SLC12A7: variants seen among roughly 807,000 people sequenced by gnomAD.
SLC12A7 encodes the protein solute carrier family 12 member 7, also known as K-Cl cotransporter 4.
Under a neutral mutation model 120.6 loss-of-function variants are expected in SLC12A7, and 100 were observed. The observed-to-expected ratio is 0.83, with a 90% CI of 0.71 to 0.98. The LOEUF is 0.98. SLC12A7 is among the 50% of genes least tolerant of loss of function. The pLI is 0.00. For missense variants in SLC12A7, 1,373 were observed against 1,548.1 expected (o/e 0.89, Z 1.90); for synonymous variants, 760 against 678.0 (o/e 1.12, Z -1.88).
At chr5:1,057,177 G>GCTTGGCACTAGAAGGACCCCTCAGCA (rs1405685056) in intron 22 of SLC12A7, 2 of 370,690 alleles carry the variant, frequency 5.4e-6, no homozygotes, top group Non-Finnish European at 9.6e-6. Context: ...ACCCCTCAGC[G>GCTTGGCACTAGAAGGACCCCTCAGCA]CTTGGCACTA....
At chr5:1,144,301 C>T in the SLC12A7 span, among the ~76,000 whole-genome samples, 2 of 152,252 alleles carry the variant, frequency 1.3e-5, no homozygotes, top group Non-Finnish European at 2.9e-5. Flanking sequence ...GCCCACGTCC[C>T]GGGCTCCACG....
chr5:1,130,741 C>G, the SLC12A7 span, among the ~76,000 whole-genome samples: 1 of 152,208 alleles, frequency 6.6e-6, no homozygotes, highest in African/African-American at 2.4e-5. Context: ...GCACAGAGCT[C>G]CTGCCAGGGA....
chr5:1,050,953 GAC>G lies in SLC12A7; in HGVS notation c.*1405_*1406del. On this transcript the variant is annotated 3_prime_UTR_variant, in exon 24 of 24. Coordinates refer to ENST00000264930, the MANE Select transcript of SLC12A7 (RefSeq NM_006598.3). The stretch of plus-strand genomic sequence containing the variant: ...TTCCCTTGGGAGACCATGCAAGCCA[GAC>G]GTAGCCCAAGGCCTGGCCATCTGGG... 2.5e-6 allele frequency: 1 copy of G among 398,686 alleles called. No individual in the cohort carries two copies. The highest frequency in any genetic ancestry group is 3.6e-5 in the East Asian group (1 of 28,084). 24.7% of individuals were successfully genotyped at this position (398,686 alleles called of 1,614,324 possible).
chr5:1,149,813 G>A, the SLC12A7 span, among the ~76,000 whole-genome samples: 1 of 152,140 alleles, frequency 6.6e-6, no homozygotes, highest in African/African-American at 2.4e-5. Context: ...CGGATCACCT[G>A]ATGTCAGGAG....
chr5:1,063,087 G>A (rs1451930923), intron 20 of SLC12A7: 6 of 152,334 alleles, frequency 3.9e-5, no homozygotes, highest in African/African-American at 1.4e-4. Flanking sequence ...AGGATCCAGA[G>A]CTCCATGCTT....
chr5:1,089,034 C>T lies in SLC12A7; in HGVS notation c.437G>A (p.Gly146Glu), dbSNP rs1482468665. ...ILFLRLTWIV[G>E]VAGVLESFLI... ...GAAGGACTCCAGGACACCAGCCACCCCCACGATCCACGTCAGGCGCAGGAA... is the reference window on the plus strand; with the variant it reads ...GAAGGACTCCAGGACACCAGCCACCTCCACGATCCACGTCAGGCGCAGGAA... The change falls in exon 4 of 24, where the codon GGG (glycine) becomes GAG (glutamate). Residue 146 changes from glycine to glutamate, a missense_variant. Physicochemically the swap from Gly to Glu is moderately conservative, Grantham distance 98. Coordinates refer to ENST00000264930, the MANE Select transcript of SLC12A7 (RefSeq NM_006598.3). 7 of 1,612,966 alleles carry T rather than the reference C, an allele frequency of 4.3e-6. No homozygotes were observed. The Admixed American group carries it at 1.0e-4, about 23-fold the overall frequency.
chr5:1,056,542 C>T (rs748032165), intron 22 of SLC12A7: 18 of 978,160 alleles, frequency 1.8e-5, no homozygotes, highest in East Asian at 2.3e-4. Context: ...GCAGGGCAAC[C>T]GGGCCCGGAA....
At chr5:1,056,457 A>T in intron 22 of SLC12A7, 1 of 334,232 alleles carries the variant, frequency 3.0e-6, no homozygotes, top group Non-Finnish European at 4.3e-6. Flanking sequence ...GGACGCACAC[A>T]AGCCACCGTG....
intron 9 of SLC12A7, among the ~76,000 whole-genome samples, chr5:1,079,967 G>C (rs1738822452): frequency 6.6e-6 from 1 of 152,240 alleles, no homozygotes; most frequent in South Asian, 2.1e-4. Context: ...GCCACGGCCG[G>C]GGATGTTTCC....
At chr5:1,085,196 C>T in intron 7 of SLC12A7, 36 bp downstream of exon 7, 3 of 1,606,506 alleles carry the variant, frequency 1.9e-6, no homozygotes, top group Non-Finnish European at 2.5e-6. Flanking sequence ...GCCCCAGCCC[C>T]ACACCCACCC....
At chr5:1,108,148 G>A (rs924012554) in intron 1 of SLC12A7, among the ~76,000 whole-genome samples, 1 of 152,252 alleles carries the variant, frequency 6.6e-6, no homozygotes, top group African/African-American at 2.4e-5. Flanking sequence ...TGGCTCACAC[G>A]TGGATACACC....
At position 1,065,482 on chromosome 5, in the gene SLC12A7, C is replaced by A. The variant is rs773639748; in HGVS notation, c.2242-4G>T. Reference sequence around the variant, plus strand: ...TGCTCATTAGGGACCGTATGTTCTGCGGGAGACAGGACAGGTTGGTGCTAC... The same window carrying A: ...TGCTCATTAGGGACCGTATGTTCTGAGGGAGACAGGACAGGTTGGTGCTAC... On this transcript the variant is annotated splice_region_variant and splice_polypyrimidine_tract_variant and intron_variant, in intron 17 of 23. Transcript: ENST00000264930. 1.3e-6 allele frequency: 2 copies of A among 1,571,372 alleles called. No homozygotes were observed. The highest frequency in any genetic ancestry group is 1.7e-6 in the Non-Finnish European group (2 of 1,154,728).
chr5:1,098,114 C>A (rs1364288254), intron 1 of SLC12A7, among the ~76,000 whole-genome samples: 1 of 137,582 alleles, frequency 7.3e-6, no homozygotes, highest in Non-Finnish European at 1.6e-5. Context: ...CACCCAGCCC[C>A]CCTCTAACCC....
chr5:1,056,483 G>T, intron 22 of SLC12A7: 1 of 560,820 alleles, frequency 1.8e-6, no homozygotes, highest in Non-Finnish European at 2.3e-6. Flanking sequence ...GGCAGGCACA[G>T]GCCTAGAACA....
chr5:1,075,017 G>A (rs985376970), intron 15 of SLC12A7, among the ~76,000 whole-genome samples: 14 of 152,160 alleles, frequency 9.2e-5, no homozygotes, highest in Non-Finnish European at 1.6e-4. Flanking sequence ...GCTGGGGCAC[G>A]GGGAAGGACG....
intron 3 of SLC12A7, among the ~76,000 whole-genome samples, chr5:1,092,662 G>A (rs1740652026): frequency 6.6e-6 from 1 of 152,224 alleles, no homozygotes. Context: ...TTTGTGTCAA[G>A]ACTGGGGGAG....
intron 22 of SLC12A7, among the ~76,000 whole-genome samples, chr5:1,055,513 C>A (rs1735518939): frequency 6.6e-6 from 1 of 152,238 alleles, no homozygotes; most frequent in African/African-American, 2.4e-5. Flanking sequence ...CAGCCCAACC[C>A]CGAGAAACTG....
the SLC12A7 span, among the ~76,000 whole-genome samples, chr5:1,125,747 A>G: frequency 6.6e-6 from 1 of 152,094 alleles, no homozygotes; most frequent in Non-Finnish European, 1.5e-5. Flanking sequence ...CCACATGGTG[A>G]AACCCCATCT....
chr5:1,141,445 A>ACAGCCG, the SLC12A7 span, among the ~76,000 whole-genome samples: 1 of 74,784 alleles, frequency 1.3e-5, no homozygotes, highest in African/African-American at 4.0e-5. Context: ...CACGGGCACC[A>ACAGCCG]CAGCCGCCAT....
Sources: allele counts gnomAD v4.1 joint callset (sites outside exome capture counted in the v4.1 genomes callset), GRCh38; gene constraint gnomAD v4.1.1; transcripts MANE v1.5; gene names NCBI Gene and HGNC (gene_info 2026-07-23, HGNC 2026-07-21).